The following NYAP2 variants were observed in gnomAD, a reference collection of about 807,000 sequenced individuals.
NYAP2 encodes the protein neuronal tyrosine-phosphorylated phosphoinositide-3-kinase adapter 2.
In NYAP2, 23 loss-of-function variants were observed where a neutral mutation model predicts 50.4. The observed-to-expected ratio is 0.46, with a 90% CI of 0.33 to 0.65. NYAP2 has a LOEUF of 0.65. Among genes scored for constraint, NYAP2 ranks in the 30% least tolerant of loss-of-function variants. The pLI is 0.02. For synonymous variants in NYAP2, 394 were observed against 365.2 expected (o/e 1.08, Z -0.90); for missense variants, 885 against 861.0 (o/e 1.03, Z -0.35).
rs555481533 is a variant in NYAP2, at chr2:225,519,917, A to G, written c.523+6245A>G. ...TGTAAAAGTGTTCCTATTTCTCCAC[A>G]TCCTCTCCAGCACCTGTTGTTTCCT... On this transcript the variant is annotated intron_variant, in intron 4 of 6. Coordinates refer to ENST00000636099, the Ensembl canonical transcript of NYAP2. 3.6e-3 allele frequency among the ~76,000 whole-genome samples: 549 copies of G among 152,216 alleles called. 3 individuals carry two copies. Among genetic ancestry groups the G allele is most frequent in the African/African-American group, 0.012 (503 of 41,532 alleles).
intron 5 of NYAP2, among the ~76,000 whole-genome samples, chr2:225,621,265 A>G (rs1366095671): frequency 6.6e-6 from 1 of 152,182 alleles, no homozygotes; most frequent in Non-Finnish European, 1.5e-5. Context: ...TTATTTTCTG[A>G]TACTGGTTTT....
intron 3 of NYAP2, among the ~76,000 whole-genome samples, chr2:225,411,480 T>A (rs949437314): frequency 1.3e-4 from 19 of 151,942 alleles, no homozygotes; most frequent in African/African-American, 4.6e-4. Context: ...CAAGTGGAGA[T>A]GATGGAAAGG....
At position 225,485,647 on chromosome 2, in the gene NYAP2, A is replaced by G. The variant is rs562466905; in HGVS notation, c.222-27724A>G. ...CCCTGTTGTATTCATTTATCCAGGA[A>G]AAACACATAAAATGTATTTAAATTC... On this transcript the variant is annotated intron_variant, in intron 3 of 6. Transcript: ENST00000636099. 5.3e-5 allele frequency among the ~76,000 whole-genome samples: 8 copies of G among 152,280 alleles called. No homozygotes were observed. The South Asian group carries it at 1.7e-3, about 32-fold the overall frequency.
intron 4 of NYAP2, among the ~76,000 whole-genome samples, chr2:225,538,630 G>T (rs7595422): frequency 0.21 from 32,569 of 152,096 alleles, 3,485 homozygotes; most frequent in African/African-American, 0.23. Flanking sequence ...GGGAGAGGTT[G>T]CTGTGAAGAC....
chr2:225,550,431 T>C (rs1691652298), intron 4 of NYAP2, among the ~76,000 whole-genome samples: 1 of 152,232 alleles, frequency 6.6e-6, no homozygotes. Flanking sequence ...TTGGCAATAT[T>C]TGAAGGCATT....
the NYAP2 span, among the ~76,000 whole-genome samples, chr2:225,688,392 G>A: frequency 6.6e-6 from 1 of 152,108 alleles, no homozygotes; most frequent in African/African-American, 2.4e-5. Flanking sequence ...CACTTAGTGT[G>A]ATCCATTTGT....
At chr2:225,690,695 T>C in the NYAP2 span, among the ~76,000 whole-genome samples, 2 of 152,222 alleles carry the variant, frequency 1.3e-5, no homozygotes, top group East Asian at 3.9e-4. Context: ...ATAAAATATG[T>C]AACTGACATA....
rs139775242 is a variant in NYAP2 at position 225,651,347 on chromosome 2, C to T, written c.1829-85C>T. 4.3e-4 allele frequency: 663 copies of T among 1,554,160 alleles called. 4 individuals are homozygous for T. The African/African-American group carries it at 7.2e-3, about 17-fold the overall frequency. Reference sequence around the variant, plus strand: ...TTTTGTATATTCCAAGAATAAGTAGCGAAACAAACAGAAAGACTGAAAAGC... The same window carrying T: ...TTTTGTATATTCCAAGAATAAGTAGTGAAACAAACAGAAAGACTGAAAAGC... On this transcript the variant is annotated intron_variant, in intron 6 of 6. Transcript: ENST00000636099.
At chr2:225,549,028 G>A (rs1691630295) in intron 4 of NYAP2, among the ~76,000 whole-genome samples, 1 of 151,998 alleles carries the variant, frequency 6.6e-6, no homozygotes, top group East Asian at 1.9e-4. Context: ...CTATAGGCAT[G>A]CACTACCACA....
At position 225,519,751 on chromosome 2, in the gene NYAP2, T is replaced by C. The variant is rs531372091; in HGVS notation, c.523+6079T>C. Among the ~76,000 whole-genome samples, 8 of 152,264 alleles carry C rather than the reference T, an allele frequency of 5.3e-5. No individual in the cohort carries two copies. In the South Asian group the frequency reaches 1.5e-3, roughly 28 times the overall value. On this transcript the variant is annotated intron_variant, in intron 4 of 6. Coordinates refer to ENST00000636099, the Ensembl canonical transcript of NYAP2. ...AAACATACATGTGCATGTGTCTTTA[T>C]AGCAGCATGATTTATAATCCTTTGG... is the stretch of plus-strand genomic sequence containing the variant.
At chr2:225,662,536 G>A in the NYAP2 span, among the ~76,000 whole-genome samples, 1 of 152,236 alleles carries the variant, frequency 6.6e-6, no homozygotes, top group Admixed American at 6.5e-5. Context: ...CTTTAAAGTG[G>A]GAGGGGGGAA....
intron 4 of NYAP2, among the ~76,000 whole-genome samples, chr2:225,569,423 G>T (rs375794914): frequency 6.6e-6 from 1 of 151,744 alleles, no homozygotes. Flanking sequence ...AGGGGATTGA[G>T]AGAAAGGAGG....
chr2:225,604,777 A>G (rs1432225382), intron 5 of NYAP2, among the ~76,000 whole-genome samples: 2 of 152,118 alleles, frequency 1.3e-5, no homozygotes, highest in South Asian at 2.1e-4. Context: ...CCCAAACACT[A>G]TTACTCTCTA....
chr2:225,504,696 A>C (rs911594074), intron 3 of NYAP2, among the ~76,000 whole-genome samples: 2 of 152,126 alleles, frequency 1.3e-5, no homozygotes, highest in Non-Finnish European at 2.9e-5. Context: ...AAGGAGAAAG[A>C]ACATATTTGA....
At chr2:225,702,459 A>G in the NYAP2 span, 5 of 151,844 alleles carry the variant, frequency 3.3e-5, no homozygotes, top group Admixed American at 2.0e-4. Context: ...AATAAAGCCA[A>G]TTGTTTTTAA....
chr2:225,561,186 G>A (rs905832237), intron 4 of NYAP2, among the ~76,000 whole-genome samples: 2 of 152,008 alleles, frequency 1.3e-5, no homozygotes, highest in African/African-American at 2.4e-5. Context: ...ACAGACAGGG[G>A]GATGACCATT....
chr2:225,681,598 G>A, the NYAP2 span, among the ~76,000 whole-genome samples: 1 of 152,178 alleles, frequency 6.6e-6, no homozygotes, highest in African/African-American at 2.4e-5. Flanking sequence ...TATTCAATCT[G>A]TGGAAGAATA....
intron 4 of NYAP2, among the ~76,000 whole-genome samples, chr2:225,517,797 G>A (rs1690962401): frequency 6.6e-6 from 1 of 152,106 alleles, no homozygotes; most frequent in South Asian, 2.1e-4. Flanking sequence ...GCATGTTAGA[G>A]CCTTAATTTC....
At chr2:225,483,260 C>T (rs1303907689) in intron 3 of NYAP2, among the ~76,000 whole-genome samples, 1 of 151,960 alleles carries the variant, frequency 6.6e-6, no homozygotes, top group East Asian at 1.9e-4. Flanking sequence ...AGGTAATAGG[C>T]AGGTTCATGA....
Sources: gnomAD v4.1 joint callset for allele counts (sites outside exome capture counted in the v4.1 genomes callset) on GRCh38, gnomAD v4.1.1 for gene constraint, MANE v1.5 for transcripts, NCBI Gene and HGNC (gene_info 2026-07-23, HGNC 2026-07-21) for gene names.